The following WASF2 variants were observed in gnomAD, a reference collection of about 807,000 sequenced individuals.
WASF2 encodes the protein actin-binding protein WASF2.
Under a neutral mutation model 45.0 loss-of-function variants are expected in WASF2, and 14 were observed. The observed-to-expected ratio is 0.31, with a 90% CI of 0.21 to 0.49. WASF2 has a LOEUF of 0.49. WASF2 is among the 20% of genes least tolerant of loss of function. WASF2 has a pLI of 0.99. For synonymous variants in WASF2, 200 were observed against 236.3 expected (o/e 0.85, Z 1.41); for missense variants, 439 against 636.1 (o/e 0.69, Z 3.33).
chr1:27,474,244 T>C (rs2017734276), intron 1 of WASF2, among the ~76,000 whole-genome samples: 1 of 152,148 alleles, frequency 6.6e-6, no homozygotes, highest in Non-Finnish European at 1.5e-5. Flanking sequence ...TACTTACATG[T>C]ATGCTTGATA....
At chr1:27,444,249 T>C (rs754585399) in intron 1 of WASF2, among the ~76,000 whole-genome samples, 7 of 152,110 alleles carry the variant, frequency 4.6e-5, no homozygotes, top group Non-Finnish European at 1.0e-4. Flanking sequence ...TCAGCTAATG[T>C]TTTCACTTTT....
intron 1 of WASF2, among the ~76,000 whole-genome samples, chr1:27,436,054 C>T (rs1370084899): frequency 2.6e-5 from 4 of 152,226 alleles, no homozygotes; most frequent in Admixed American, 6.5e-5. Flanking sequence ...TTCACTTCAG[C>T]GTTTCCCACT....
At chr1:27,409,008 C>T (rs751306499) in intron 8 of WASF2, among the ~76,000 whole-genome samples, 2 of 151,180 alleles carry the variant, frequency 1.3e-5, no homozygotes, top group Non-Finnish European at 2.9e-5. Context: ...TGTTTTTTTT[C>T]GAAGGCACAA....
At chr1:27,458,496 T>A (rs945550713) in intron 1 of WASF2, among the ~76,000 whole-genome samples, 8 of 152,102 alleles carry the variant, frequency 5.3e-5, no homozygotes, top group Non-Finnish European at 7.3e-5. Flanking sequence ...TAAAGATTTT[T>A]AAAAATTAAG....
chr1:27,438,890 G>C (rs1056616438), intron 1 of WASF2, among the ~76,000 whole-genome samples: 3 of 151,616 alleles, frequency 2.0e-5, no homozygotes, highest in African/African-American at 7.3e-5. Context: ...ACCAGCAACT[G>C]ACTAAGAGTC....
intron 2 of WASF2, among the ~76,000 whole-genome samples, chr1:27,421,753 T>G (rs760731198): frequency 6.6e-6 from 1 of 151,598 alleles, no homozygotes; most frequent in Non-Finnish European, 1.5e-5. Flanking sequence ...GAGACAGAGG[T>G]TGCAGTGAGC....
chr1:27,475,325 T>G (rs2017751913), intron 1 of WASF2, among the ~76,000 whole-genome samples: 1 of 152,104 alleles, frequency 6.6e-6, no homozygotes, highest in Middle Eastern at 3.2e-3. Flanking sequence ...ATCTCTCCAA[T>G]CACATATTTT....
At chr1:27,485,888 T>G (rs1253512669) in intron 1 of WASF2, among the ~76,000 whole-genome samples, 1 of 152,166 alleles carries the variant, frequency 6.6e-6, no homozygotes, top group East Asian at 1.9e-4. Flanking sequence ...ATTTTTGTAT[T>G]TTTAGTAGAG....
intron 1 of WASF2, among the ~76,000 whole-genome samples, chr1:27,471,360 A>AT (rs1557619745): frequency 6.6e-6 from 1 of 151,450 alleles, no homozygotes; most frequent in East Asian, 1.9e-4. Context: ...AAAAAAAAAA[A>AT]AAAAAGAGTA....
At chr1:27,432,362 T>G (rs952063539) in intron 1 of WASF2, among the ~76,000 whole-genome samples, 1 of 151,910 alleles carries the variant, frequency 6.6e-6, no homozygotes, top group African/African-American at 2.4e-5. Context: ...AAAAAGGCAG[T>G]TATAGGCCGG....
At chr1:27,479,147 G>A (rs1175363957) in intron 1 of WASF2, among the ~76,000 whole-genome samples, 5 of 151,748 alleles carry the variant, frequency 3.3e-5, no homozygotes, top group African/African-American at 7.3e-5. Flanking sequence ...TTAGCCAGGC[G>A]TGGTGGCAGG....
At position 27,460,865 on chromosome 1, in the gene WASF2, G is replaced by A. The variant is rs527597407; in HGVS notation, c.-44+29121C>T. On this transcript the variant is annotated intron_variant, in intron 1 of 8. Transcript: ENST00000618852. Reference sequence around the variant, plus strand: ...ACCTTAGAAAAGTTTTTGGCCAGGCGCAGTGGCTCACGCCTGTAATCCCAG... The same window carrying A: ...ACCTTAGAAAAGTTTTTGGCCAGGCACAGTGGCTCACGCCTGTAATCCCAG... Among the ~76,000 whole-genome samples the A allele has an allele frequency of 1.2e-4, 18 of 152,272 alleles. No individual in the cohort carries two copies. The East Asian group carries it at 3.1e-3, about 26-fold the overall frequency.
At chr1:27,408,653 C>T (rs1326431156) in intron 8 of WASF2, among the ~76,000 whole-genome samples, 2 of 152,112 alleles carry the variant, frequency 1.3e-5, no homozygotes, top group African/African-American at 2.4e-5. Context: ...CCTCAGCCTG[C>T]CCAATTCCAT....
rs1192520363 is a variant in WASF2 at position 27,406,066 on chromosome 1, G to C, written c.*2123C>G. ...GGGGGTAATTTAGTCAAAGCCATTAGGCCCAAACCCTGGCCTGGCCAGGCC... is the reference window on the plus strand; with the variant it reads ...GGGGGTAATTTAGTCAAAGCCATTACGCCCAAACCCTGGCCTGGCCAGGCC... On this transcript the variant is annotated 3_prime_UTR_variant, in exon 9 of 9. Coordinates refer to ENST00000618852, the MANE Select transcript of WASF2 (RefSeq NM_006990.5). The C allele has an allele frequency of 6.6e-6, 1 of 152,648 alleles. No homozygotes were observed. The highest frequency in any genetic ancestry group is 1.5e-5 in the Non-Finnish European group (1 of 68,126). The allele number at this position is 152,648 out of a possible 1,614,324, so 9.5% of individuals were successfully genotyped here.
At chr1:27,412,185 T>G (rs2016770162) in intron 7 of WASF2, among the ~76,000 whole-genome samples, 1 of 152,216 alleles carries the variant, frequency 6.6e-6, no homozygotes, top group Non-Finnish European at 1.5e-5. Context: ...GAAGTTATTT[T>G]AGTGGTCTTG....
intron 1 of WASF2, among the ~76,000 whole-genome samples, chr1:27,436,263 T>C (rs1241012481): frequency 2.0e-5 from 3 of 152,068 alleles, no homozygotes; most frequent in Non-Finnish European, 2.9e-5. Context: ...CTGGGCAATA[T>C]AGCCAGACCT....
intron 1 of WASF2, among the ~76,000 whole-genome samples, chr1:27,450,108 C>T (rs1044979330): frequency 1.3e-5 from 2 of 151,816 alleles, no homozygotes; most frequent in African/African-American, 2.4e-5. Flanking sequence ...CACGCCATTG[C>T]ACTCCAGCCC....
chr1:27,425,771 A>G (rs1211831441), intron 2 of WASF2, among the ~76,000 whole-genome samples: 4 of 147,988 alleles, frequency 2.7e-5, no homozygotes, highest in Non-Finnish European at 5.9e-5. Flanking sequence ...CCTGTGAGGC[A>G]GAGCTTGCAG....
rs188131167 is a variant in WASF2, at chr1:27,405,767, G to C, written c.*2422C>G. Reference sequence around the variant, plus strand: ...TGCATAGATTTTAATGAGAGCGTCAGGCAGAGCTGTGCTGTTGCTCTCCGG... The same window carrying C: ...TGCATAGATTTTAATGAGAGCGTCACGCAGAGCTGTGCTGTTGCTCTCCGG... On this transcript the variant is annotated 3_prime_UTR_variant, in exon 9 of 9. Transcript: ENST00000618852. 2 of 152,608 alleles carry C rather than the reference G, an allele frequency of 1.3e-5. No homozygotes were observed. Among genetic ancestry groups the C allele is most frequent in the Admixed American group, 1.3e-4 (2 of 15,292 alleles). 9.5% of individuals were successfully genotyped at this position (152,608 alleles called of 1,614,324 possible).
Sources: gnomAD v4.1 joint callset for allele counts (sites outside exome capture counted in the v4.1 genomes callset) on GRCh38, gnomAD v4.1.1 for gene constraint, MANE v1.5 for transcripts, NCBI Gene and HGNC (gene_info 2026-07-23, HGNC 2026-07-21) for gene names.